Variants in NUP160 observed in about 807,000 individuals in gnomAD.
The protein encoded by NUP160 is nuclear pore complex protein Nup160.
Under a neutral mutation model 196.9 loss-of-function variants are expected in NUP160, and 94 were observed. The ratio of observed to expected loss-of-function variants is 0.48; its 90% CI spans 0.40 to 0.57. The LOEUF is 0.57. Among genes scored for constraint, NUP160 ranks in the 20% least tolerant of loss-of-function variants. The probability of loss-of-function intolerance (pLI) is 0.00; values close to 1 mark genes in which losing one functional copy is unlikely to be tolerated. For missense variants in NUP160, 1,638 were observed against 1,748.3 expected (o/e 0.94, Z 1.13); for synonymous variants, 605 against 619.7 (o/e 0.98, Z 0.35).
At chr11:47,843,430 C>T (rs1852343108) in intron 2 of NUP160, among the ~76,000 whole-genome samples, 2 of 152,156 alleles carry the variant, frequency 1.3e-5, no homozygotes, top group Non-Finnish European at 1.5e-5. Context: ...TGGGATGCCA[C>T]GTTCTTTGTT....
chr11:47,818,155 T>C (rs776301864), intron 10 of NUP160, 31 bp from the exon 11 acceptor site: 1 of 1,469,450 alleles, frequency 6.8e-7, no homozygotes, highest in Non-Finnish European at 9.5e-7. Flanking sequence ...AAGTTACTAT[T>C]GTCCTAAACA....
At chr11:47,780,286 G>C in intron 35 of NUP160, 57 bp downstream of exon 35, 1 of 1,160,064 alleles carries the variant, frequency 8.6e-7, no homozygotes, top group Non-Finnish European at 1.3e-6. Context: ...CAAGCTGTAA[G>C]GTGTAACTGC....
chr11:47,804,495 G>C (rs1312473924), intron 21 of NUP160, 54 bp downstream of exon 21: 2 of 1,200,304 alleles, frequency 1.7e-6, no homozygotes, highest in Non-Finnish European at 2.3e-6. Context: ...AAAAAATTCA[G>C]CAATCCCATG....
chr11:47,822,093 A>C (rs1447194838), exon 8 of NUP160: 2 of 1,602,560 alleles, frequency 1.2e-6, no homozygotes, highest in Admixed American at 1.7e-5. Context: ...CTACCTGAGA[A>C]GTGAACAGTG....
intron 20 of NUP160, 29 bp from the exon 21 acceptor site, chr11:47,804,647 T>C (rs748587246): frequency 6.9e-7 from 1 of 1,452,330 alleles, no homozygotes; most frequent in Non-Finnish European, 9.2e-7. Context: ...TATTTCTTAA[T>C]TTTTGTTGGC....
At chr11:47,827,178 A>G (rs764996141) in intron 7 of NUP160, 1 of 455,948 alleles carries the variant, frequency 2.2e-6, no homozygotes, top group Non-Finnish European at 4.4e-6. Flanking sequence ...ACCAGGCAAC[A>G]TGGCGAAACC....
At chr11:47,791,092 G>A (rs1408621579) in intron 29 of NUP160, among the ~76,000 whole-genome samples, 1 of 151,882 alleles carries the variant, frequency 6.6e-6, no homozygotes, top group Non-Finnish European at 1.5e-5. Context: ...AATATATTTT[G>A]CAAAAAGCAC....
At chr11:47,803,453 T>C (rs761452179) in exon 22 of NUP160, 2 of 1,602,406 alleles carry the variant, frequency 1.2e-6, no homozygotes, top group Admixed American at 1.7e-5. Flanking sequence ...GTCCTTCTCC[T>C]GTAACTAGGT....
At chr11:47,848,428 G>C in exon 1 of NUP160, 1 of 1,541,444 alleles carries the variant, frequency 6.5e-7, no homozygotes, top group East Asian at 2.4e-5. Context: ...CATTCCGGGA[G>C]CAGAAAGGCG....
chr11:47,848,431 G>A (rs1852452005), exon 1 of NUP160: 1 of 1,538,236 alleles, frequency 6.5e-7, no homozygotes, highest in Non-Finnish European at 8.7e-7. Flanking sequence ...TCCGGGAGCA[G>A]AAAGGCGGCT....
intron 6 of NUP160, 77 bp downstream of exon 6, chr11:47,836,810 A>G (rs1424650837): frequency 1.1e-6 from 1 of 877,034 alleles, no homozygotes; most frequent in Admixed American, 1.9e-5. Context: ...ATCTTTAGAG[A>G]AACAGCAAAA....
At chr11:47,802,217 G>T (rs1002568578) in intron 22 of NUP160, among the ~76,000 whole-genome samples, 11 of 152,124 alleles carry the variant, frequency 7.2e-5, no homozygotes, top group Non-Finnish European at 1.3e-4. Context: ...TGGATCACGA[G>T]GTGAGGAGTT....
chr11:47,794,222 GGT>G (rs1254705048), intron 27 of NUP160, among the ~76,000 whole-genome samples: 2 of 152,198 alleles, frequency 1.3e-5, no homozygotes, highest in African/African-American at 4.8e-5. Flanking sequence ...TAGCGGGCGC[GGT>G]GGCTCATGCC....
chr11:47,807,389 G>C (rs939631958), intron 18 of NUP160, among the ~76,000 whole-genome samples: 3 of 152,144 alleles, frequency 2.0e-5, no homozygotes, highest in Non-Finnish European at 4.4e-5. Flanking sequence ...ATCTCGGCGG[G>C]GTGTGGTGGC....
chr11:47,784,857 C>A (rs2135342251), intron 33 of NUP160, 65 bp downstream of exon 33: 1 of 1,247,966 alleles, frequency 8.0e-7, no homozygotes, highest in Non-Finnish European at 1.1e-6. Context: ...TTTTAATCAT[C>A]TCATGAAGTT....
intron 2 of NUP160, among the ~76,000 whole-genome samples, chr11:47,842,706 A>G (rs1852329327): frequency 6.6e-6 from 1 of 152,190 alleles, no homozygotes; most frequent in Non-Finnish European, 1.5e-5. Context: ...TTTCAGTATC[A>G]GGGCCAGGTA....
intron 33 of NUP160, among the ~76,000 whole-genome samples, chr11:47,784,061 AC>A (rs2097663120): frequency 6.6e-6 from 1 of 151,876 alleles, no homozygotes; most frequent in Admixed American, 6.6e-5. Context: ...AACAAAAAAA[AC>A]CAAAAAAAAC....
chr11:47,822,695 A>G (rs1383892156), intron 7 of NUP160, among the ~76,000 whole-genome samples: 1 of 151,534 alleles, frequency 6.6e-6, no homozygotes, highest in Non-Finnish European at 1.5e-5. Flanking sequence ...CATTACGTAT[A>G]TCTCCTAATG....
intron 13 of NUP160, among the ~76,000 whole-genome samples, chr11:47,814,121 GAC>G (rs1157877464): frequency 7.3e-6 from 1 of 137,050 alleles, no homozygotes; most frequent in Non-Finnish European, 1.5e-5. Context: ...CAGCCTGGGT[GAC>G]ACAGCAAGAC....
Sources: allele counts gnomAD v4.1 joint callset (sites outside exome capture counted in the v4.1 genomes callset), GRCh38; gene constraint gnomAD v4.1.1; transcripts MANE v1.5; gene names NCBI Gene and HGNC (gene_info 2026-07-23, HGNC 2026-07-21).